The following DNAJC6 variants were observed in gnomAD, a reference collection of about 807,000 sequenced individuals.
DNAJC6 encodes auxilin.
A neutral mutation model predicts 110.0 loss-of-function variants in DNAJC6; 34 were observed. The observed-to-expected ratio is 0.31, with a 90% CI of 0.24 to 0.41. DNAJC6 has a LOEUF of 0.41. Among genes scored for constraint, DNAJC6 ranks in the 10% least tolerant of loss-of-function variants. DNAJC6 has a pLI of 1.00. For missense variants in DNAJC6, 1,031 were observed against 1,207.8 expected (o/e 0.85, Z 2.17); for synonymous variants, 406 against 437.2 (o/e 0.93, Z 0.89).
chr1:65,366,136 C>A lies in DNAJC6; in HGVS notation c.483C>A (p.Asp161Glu). ...IRSFLDSRHLDHYTVYNLSPK... is the reference protein window; with the variant it reads ...IRSFLDSRHLEHYTVYNLSPK... Reference sequence around the variant, plus strand: ...GCTTTTTGGATTCCAGACATCTTGACCACTACACAGTATACAATCTGTCAC... The same window carrying A: ...GCTTTTTGGATTCCAGACATCTTGAACACTACACAGTATACAATCTGTCAC... The change falls in exon 4 of 19, where the codon GAC becomes GAA. Residue 161 changes from aspartate to glutamate, a missense_variant. Asp to Glu is a conservative substitution (Grantham distance 45). Transcript: ENST00000371069. The A allele has an allele frequency of 1.2e-6, 2 of 1,613,860 alleles. No individual in the cohort carries two copies. The highest frequency in any genetic ancestry group is 1.7e-6 in the Non-Finnish European group (2 of 1,179,826).
intron 9 of DNAJC6, 87 bp from the exon 10 acceptor site, chr1:65,389,164 CCTAAG>C: frequency 8.5e-7 from 1 of 1,174,960 alleles, no homozygotes; most frequent in Non-Finnish European, 1.2e-6. Flanking sequence ...TTAGATTTAA[CCTAAG>C]AGTCAACCTA....
At chr1:65,363,655 G>A (rs1454026919) in intron 1 of DNAJC6, among the ~76,000 whole-genome samples, 3 of 152,120 alleles carry the variant, frequency 2.0e-5, no homozygotes, top group Admixed American at 1.3e-4. Flanking sequence ...TGGAGTGGGG[G>A]TTGGGGCAGG....
At chr1:65,283,045 T>C (rs932548656) in intron 1 of DNAJC6, among the ~76,000 whole-genome samples, 3 of 152,218 alleles carry the variant, frequency 2.0e-5, no homozygotes, top group Admixed American at 6.5e-5. Context: ...CTATGCATCC[T>C]TCATCCTCTA....
At chr1:65,374,994 G>A (rs550096841) in intron 4 of DNAJC6, among the ~76,000 whole-genome samples, 39 of 140,104 alleles carry the variant, frequency 2.8e-4, no homozygotes, top group Non-Finnish European at 4.8e-4. Context: ...TTTTTGAGAC[G>A]GAGTTTTGCT....
At chr1:65,384,920 T>A (rs1030333276) in intron 6 of DNAJC6, among the ~76,000 whole-genome samples, 5 of 152,230 alleles carry the variant, frequency 3.3e-5, no homozygotes, top group African/African-American at 1.2e-4. Context: ...CTTTAAAGAA[T>A]ACTTATATCC....
intron 4 of DNAJC6, among the ~76,000 whole-genome samples, chr1:65,373,970 A>G (rs1391885900): frequency 6.6e-6 from 1 of 152,076 alleles, no homozygotes; most frequent in Non-Finnish European, 1.5e-5. Context: ...ATAGTTAGAG[A>G]TATAGGTCTA....
At chr1:65,361,793 GTA>G (rs1645599698) in intron 1 of DNAJC6, among the ~76,000 whole-genome samples, 2 of 152,102 alleles carry the variant, frequency 1.3e-5, no homozygotes, top group Non-Finnish European at 2.9e-5. Flanking sequence ...CTGCTTGTAG[GTA>G]TAATCTAGAG....
In DNAJC6 at chr1:65,386,861, G is replaced by A; in HGVS notation, c.1045G>A (p.Val349Met). The part of the protein sequence containing the change: ...GKIFIPLNIT[V>M]QGDVVVSMYH... The stretch of plus-strand genomic sequence containing the variant: ...AATCTTCATTCCCTTGAACATCACT[G>A]TGCAAGGAGACGTGGTTGTTTCCAT... The change falls in exon 8 of 19, where the codon GTG becomes ATG. Residue 349 changes from valine (V) to methionine (M), a missense_variant. Coordinates refer to ENST00000371069, the MANE Select transcript of DNAJC6 (RefSeq NM_001256864.2). 1.9e-6 allele frequency: 3 copies of A among 1,614,132 alleles called. No homozygotes were observed. The highest frequency in any genetic ancestry group is 2.5e-6 in the Non-Finnish European group (3 of 1,180,010).
intron 11 of DNAJC6, among the ~76,000 whole-genome samples, chr1:65,390,834 C>T (rs1645919312): frequency 6.6e-6 from 1 of 152,188 alleles, no homozygotes; most frequent in African/African-American, 2.4e-5. Flanking sequence ...TTGGAAAACC[C>T]AGTGGTATCT....
At position 65,358,826 on chromosome 1, in the gene DNAJC6, G is replaced by A. The variant is rs149112894; in HGVS notation, c.194-5809G>A. Among the ~76,000 whole-genome samples the A allele has an allele frequency of 5.9e-5, 9 of 152,212 alleles. No individual in the cohort carries two copies. In the East Asian group the frequency reaches 1.3e-3, roughly 23 times the overall value. ...CATGGTAAACACTATCTTGATGAAC[G>A]TCTCTTTTTGGTAAGTTTTTGCATA... On this transcript the variant is annotated intron_variant, in intron 1 of 18. Transcript: ENST00000371069.
At chr1:65,374,401 C>A (rs1032633267) in intron 4 of DNAJC6, among the ~76,000 whole-genome samples, 1 of 152,104 alleles carries the variant, frequency 6.6e-6, no homozygotes, top group African/African-American at 2.4e-5. Flanking sequence ...ATTATTTCTT[C>A]TAATCCATGA....
chr1:65,385,375 A>ATCAG (rs1645861302), intron 6 of DNAJC6, among the ~76,000 whole-genome samples: 1 of 152,302 alleles, frequency 6.6e-6, no homozygotes, highest in African/African-American at 2.4e-5. Flanking sequence ...ATAAAATTCT[A>ATCAG]AAATTTATCC....
At position 65,415,214 on chromosome 1, in the gene DNAJC6, A is replaced by G. The variant is rs931180037; in HGVS notation, c.*2189A>G. ...GTAATATATTTTTTGTTTTGTAAAT[A>G]TGTTACAACAAAATGTGATTGGTCT... On this transcript the variant is annotated 3_prime_UTR_variant, in exon 19 of 19. Transcript: ENST00000371069. 6.6e-6 allele frequency: 1 copy of G among 152,224 alleles called. No homozygotes were observed. Among genetic ancestry groups the G allele is most frequent in the Admixed American group, 6.5e-5 (1 of 15,284 alleles). 9.4% of individuals were successfully genotyped at this position (152,224 alleles called of 1,614,324 possible). A position where few individuals can be genotyped will look rare whatever the true frequency, so the allele number is the denominator to read the frequency against.
At chr1:65,266,178 T>C (rs1041600293) in intron 1 of DNAJC6, among the ~76,000 whole-genome samples, 12 of 152,124 alleles carry the variant, frequency 7.9e-5, no homozygotes, top group Admixed American at 6.5e-5. Context: ...GGCTTGGCCT[T>C]CTCCAGTCCT....
Position 65,413,199 on chromosome 1 carries a change from C to T in DNAJC6, c.*174C>T, listed in dbSNP as rs9436293. 2,257 of 561,132 alleles carry T rather than the reference C, an allele frequency of 4.0e-3. 39 individuals are homozygous for T. Among genetic ancestry groups the T allele is most frequent in the African/African-American group, 0.039 (2,031 of 51,822 alleles). The allele number at this position is 561,132 out of a possible 1,614,324, so 34.8% of individuals were successfully genotyped here. On this transcript the variant is annotated 3_prime_UTR_variant, in exon 19 of 19. Transcript: ENST00000371069. ...TAAGGAATGTGGATGTTTGGTTTCTCCAAAGTTCCCACCATAAAAGATCCA... is the reference window on the plus strand; with the variant it reads ...TAAGGAATGTGGATGTTTGGTTTCTTCAAAGTTCCCACCATAAAAGATCCA...
Position 65,379,356 on chromosome 1 carries a change from A to G in DNAJC6, c.544-46A>G, listed in dbSNP as rs1201275640. 3.1e-6 allele frequency: 5 copies of G among 1,610,024 alleles called. No individual in the cohort carries two copies. In the Admixed American group the frequency reaches 6.7e-5, roughly 22 times the overall value. On this transcript the variant is annotated intron_variant, in intron 4 of 18. Coordinates refer to ENST00000371069, the MANE Select transcript of DNAJC6 (RefSeq NM_001256864.2). ...TTGGTGTGATAACCTGCTTATGAAG[A>G]GGAAGTTGCTGGAGGAATTAATTTC...
intron 15 of DNAJC6, among the ~76,000 whole-genome samples, chr1:65,403,838 C>A (rs1307606282): frequency 6.6e-6 from 1 of 152,078 alleles, no homozygotes; most frequent in East Asian, 1.9e-4. Context: ...TGTTGATGAG[C>A]CCCATGAGTG....
intron 1 of DNAJC6, among the ~76,000 whole-genome samples, chr1:65,298,107 T>C (rs1644944459): frequency 6.6e-6 from 1 of 152,182 alleles, no homozygotes; most frequent in Admixed American, 6.5e-5. Context: ...TGATCTCCCA[T>C]TCAGTTGGCT....
intron 15 of DNAJC6, among the ~76,000 whole-genome samples, chr1:65,404,713 G>A (rs534309254): frequency 1.3e-5 from 2 of 152,286 alleles, no homozygotes; most frequent in Non-Finnish European, 2.9e-5. Context: ...GAGATAGTAA[G>A]GGATGAGTTG....
Sources: allele counts gnomAD v4.1 joint callset (sites outside exome capture counted in the v4.1 genomes callset), GRCh38; gene constraint gnomAD v4.1.1; transcripts MANE v1.5; gene names NCBI Gene and HGNC (gene_info 2026-07-23, HGNC 2026-07-21).